NEK1: variants seen among roughly 807,000 people sequenced by gnomAD.
The protein encoded by NEK1 is NIMA related kinase 1, also known as serine/threonine-protein kinase Nek1.
NEK1 carries 137 observed loss-of-function variants against 182.1 expected under a neutral mutation model. That is an observed-to-expected ratio of 0.75 (90% CI 0.65 to 0.87). NEK1 has a LOEUF of 0.87. Among genes scored for constraint, NEK1 ranks in the 40% least tolerant of loss-of-function variants. NEK1 has a pLI of 0.00. For synonymous variants in NEK1, 513 were observed against 492.2 expected (o/e 1.04, Z -0.56); for missense variants, 1,391 against 1,494.4 (o/e 0.93, Z 1.14).
intron 2 of NEK1, among the ~76,000 whole-genome samples, chr4:169,604,682 C>A (rs1771044299): frequency 6.6e-6 from 1 of 152,170 alleles, no homozygotes; most frequent in South Asian, 2.1e-4. Flanking sequence ...ATGATCCAAT[C>A]TCCTTAAATG....
intron 12 of NEK1, among the ~76,000 whole-genome samples, chr4:169,567,590 G>T (rs1480840114): frequency 6.6e-6 from 1 of 152,114 alleles, no homozygotes; most frequent in African/African-American, 2.4e-5. Context: ...ACTAGAGACG[G>T]GGTTTTACCA....
At chr4:169,416,661 T>C (rs1282956559) in intron 31 of NEK1, among the ~76,000 whole-genome samples, 1 of 152,320 alleles carries the variant, frequency 6.6e-6, no homozygotes, top group South Asian at 2.1e-4. Context: ...TCCAGCACTA[T>C]TGAGAGGTCA....
Position 169,576,786 on chromosome 4 carries a change from G to A in NEK1, c.1020+142C>T, listed in dbSNP as rs1005718831. The stretch of plus-strand genomic sequence containing the variant: ...CCTGTAAGGCTTCTCAGTTTTAGAG[G>A]ACTGGTAAAACACAGAAGGAGGACA... On this transcript the variant is annotated intron_variant, in intron 12 of 35. Coordinates refer to ENST00000507142, the MANE Select transcript of NEK1 (RefSeq NM_001199397.3). 6.8e-6 allele frequency: 5 copies of A among 738,300 alleles called. No homozygotes were observed. The African/African-American group carries it at 8.9e-5, about 13-fold the overall frequency. 45.7% of individuals were successfully genotyped at this position (738,300 alleles called of 1,614,324 possible). A position where few individuals can be genotyped will look rare whatever the true frequency, so the allele number is the denominator to read the frequency against.
At chr4:169,410,869 T>A (rs532932562) in intron 31 of NEK1, among the ~76,000 whole-genome samples, 1 of 152,322 alleles carries the variant, frequency 6.6e-6, no homozygotes, top group East Asian at 1.9e-4. Context: ...TCTCTCTCCA[T>A]CCCTTATTCA....
rs376557666 is a variant in NEK1 at position 169,569,592 on chromosome 4, C to A, written c.1020+7336G>T. Among the ~76,000 whole-genome samples, 61 of 152,180 alleles carry A rather than the reference C, an allele frequency of 4.0e-4. 1 individual carries two copies. The East Asian group carries it at 9.7e-3, about 24-fold the overall frequency. On this transcript the variant is annotated intron_variant, in intron 12 of 35. Coordinates refer to ENST00000507142, the MANE Select transcript of NEK1 (RefSeq NM_001199397.3). ...ATCTAGGCTCACTGCAACCTCCCTG[C>A]CTGATTCTCCTGCCTCAGCCTGCCG...
At chr4:169,454,818 C>T (rs1179853028) in intron 27 of NEK1, among the ~76,000 whole-genome samples, 2 of 152,216 alleles carry the variant, frequency 1.3e-5, no homozygotes, top group African/African-American at 2.4e-5. Context: ...ACCCAGAAAT[C>T]CCATTACTGG....
At chr4:169,601,321 A>G (rs1300743213) in intron 4 of NEK1, among the ~76,000 whole-genome samples, 1 of 152,164 alleles carries the variant, frequency 6.6e-6, no homozygotes, top group African/African-American at 2.4e-5. Flanking sequence ...TAGTTTACAG[A>G]AATTAAGTTA....
At chr4:169,561,920 C>T (rs796806257) in intron 13 of NEK1, 29 bp from the exon 14 acceptor site, 1 of 1,558,842 alleles carries the variant, frequency 6.4e-7, no homozygotes, top group African/African-American at 1.4e-5. Flanking sequence ...CATTTTAATC[C>T]ATAATAATTC....
intron 11 of NEK1, among the ~76,000 whole-genome samples, chr4:169,578,618 T>C (rs780881142): frequency 3.9e-5 from 6 of 152,238 alleles, no homozygotes; most frequent in East Asian, 1.9e-4. Context: ...TTTGTAGTTA[T>C]GCATATATCA....
intron 22 of NEK1, 71 bp from the exon 23 acceptor site, chr4:169,507,203 GCC>G: frequency 3.2e-6 from 2 of 616,126 alleles, no homozygotes; most frequent in Non-Finnish European, 4.7e-6. Context: ...TTTTTTTTGG[GCC>G]AGGTCTATGA....
chr4:169,600,753 G>A (rs981677515), intron 4 of NEK1, among the ~76,000 whole-genome samples: 1 of 152,092 alleles, frequency 6.6e-6, no homozygotes, highest in Non-Finnish European at 1.5e-5. Flanking sequence ...TATAATGTAT[G>A]TAGCATAACA....
At chr4:169,582,785 T>A (rs910629474) in intron 10 of NEK1, among the ~76,000 whole-genome samples, 1 of 152,152 alleles carries the variant, frequency 6.6e-6, no homozygotes, top group Non-Finnish European at 1.5e-5. Flanking sequence ...AAGGTATATA[T>A]ATATGAAGCT....
intron 18 of NEK1, among the ~76,000 whole-genome samples, chr4:169,549,628 G>T (rs1761112872): frequency 6.6e-6 from 1 of 152,090 alleles, no homozygotes; most frequent in African/African-American, 2.4e-5. Context: ...TTGCCACGTT[G>T]GCCAGGCTAG....
intron 19 of NEK1, among the ~76,000 whole-genome samples, chr4:169,514,161 T>A (rs1000582527): frequency 5.3e-5 from 8 of 151,930 alleles, no homozygotes; most frequent in South Asian, 2.1e-4. Context: ...AATTTTTTTG[T>A]ATTATTAGTA....
chr4:169,409,203 G>T (rs2111137838), intron 31 of NEK1, among the ~76,000 whole-genome samples: 1 of 152,092 alleles, frequency 6.6e-6, no homozygotes, highest in African/African-American at 2.4e-5. Context: ...GGAGTGCAGT[G>T]GCGCGATCTC....
At chr4:169,444,249 T>G (rs1579671196) in intron 27 of NEK1, among the ~76,000 whole-genome samples, 2 of 151,908 alleles carry the variant, frequency 1.3e-5, no homozygotes, top group East Asian at 3.9e-4. Flanking sequence ...ATTAACAAAA[T>G]GACTAGAGTT....
rs546009169 is a variant in NEK1 at position 169,494,864 on chromosome 4, T to C, written c.2007+12173A>G. Among the ~76,000 whole-genome samples the C allele has an allele frequency of 3.3e-5, 5 of 152,358 alleles. No individual in the cohort carries two copies. In the South Asian group the frequency reaches 6.2e-4, roughly 19 times the overall value. ...TGATGGCCAGTGATGATGAGCATTT[T>C]TTCATGTGTCTTTTGGCTGCAGAAA... On this transcript the variant is annotated intron_variant, in intron 23 of 35. Coordinates refer to ENST00000507142, the MANE Select transcript of NEK1 (RefSeq NM_001199397.3).
chr4:169,509,448 T>TA (rs1169395935), intron 19 of NEK1, among the ~76,000 whole-genome samples: 42 of 151,988 alleles, frequency 2.8e-4, no homozygotes, highest in African/African-American at 8.4e-4. Context: ...CTTACTCCCT[T>TA]AAAAAAAACT....
intron 26 of NEK1, among the ~76,000 whole-genome samples, chr4:169,464,823 CTTTA>C (rs1744624424): frequency 6.6e-6 from 1 of 151,912 alleles, no homozygotes. Context: ...ATTTGTCCTG[CTTTA>C]TTTATCATAA....
Sources: allele counts gnomAD v4.1 joint callset (sites outside exome capture counted in the v4.1 genomes callset), GRCh38; gene constraint gnomAD v4.1.1; transcripts MANE v1.5; gene names NCBI Gene and HGNC (gene_info 2026-07-23, HGNC 2026-07-21).